NOD2: variants seen among roughly 807,000 people sequenced by gnomAD.
NOD2 encodes the protein nucleotide binding oligomerization domain containing 2.
A neutral mutation model predicts 90.9 loss-of-function variants in NOD2; 86 were observed. The ratio of observed to expected loss-of-function variants is 0.95; its 90% confidence interval spans 0.79 to 1.13. The LOEUF (loss-of-function observed/expected upper bound fraction) is 1.13. Among genes scored for constraint, NOD2 ranks in the 50% most tolerant of loss-of-function variants. The pLI, the probability that NOD2 is intolerant of heterozygous loss-of-function variation, is 0.00. For synonymous variants in NOD2, 581 were observed against 554.6 expected, an observed-to-expected ratio of 1.05 and a Z score of -0.67; for missense variants, 1,238 against 1,283.8, an observed-to-expected ratio of 0.96 and a Z score of 0.55.
At chr16:50,716,721 C>A in intron 5 of NOD2, 51 bp downstream of exon 5, 1 of 1,577,426 alleles carries the variant, frequency 6.3e-7, no homozygotes, top group Non-Finnish European at 8.7e-7. Context: ...CTGGTCTCAC[C>A]CCAGGTCGTG....
rs556728426 is a variant in NOD2, at chr16:50,711,268, G to A, written c.1276G>A (p.Glu426Lys). 2.4e-5 allele frequency: 38 copies of A among 1,613,798 alleles called. 1 individual carries two copies. The South Asian group carries it at 3.1e-4, about 13-fold the overall frequency. ...NLKGFSEQGI[E>K]LYLRKRHHEP... ...CAAGGGCTTCTCTGAACAGGGCATC[G>A]AGCTGTACCTGAGGAAGCGCCATCA... Residue 426 changes from glutamate (E) to lysine (K), a missense_variant, in exon 4 of 12, where the codon GAG (glutamate) becomes AAG (lysine). This residue lies in a region of NOD2 where 567 missense variants were observed against 577.3 expected (regional missense o/e 0.98). Transcript: ENST00000647318.
At chr16:50,701,278 G>A (rs1490089820) in intron 2 of NOD2, among the ~76,000 whole-genome samples, 1 of 152,256 alleles carries the variant, frequency 6.6e-6, no homozygotes, top group African/African-American at 2.4e-5. Context: ...GATGAAATAA[G>A]TGAGTTACTG....
At chr16:50,705,401 C>T (rs1964142818) in intron 2 of NOD2, among the ~76,000 whole-genome samples, 1 of 152,168 alleles carries the variant, frequency 6.6e-6, no homozygotes, top group Non-Finnish European at 1.5e-5. Flanking sequence ...TCTCTGGGCT[C>T]ATGATACTCT....
rs746653187 is a variant in NOD2, at chr16:50,711,794, A to G, written c.1802A>G (p.His601Arg). 8 of 1,613,882 alleles carry G rather than the reference A, an allele frequency of 5.0e-6. No homozygotes were observed. The highest frequency in any genetic ancestry group is 6.8e-6 in the Non-Finnish European group (8 of 1,179,996). Residue 601 changes from histidine (H) to arginine (R), a missense_variant, in exon 4 of 12, where the codon CAC (histidine) becomes CGC (arginine). Physicochemically the swap from His to Arg is conservative, Grantham distance 29. Transcript: ENST00000647318. Reference sequence around the variant, plus strand: ...GATGTGCCACCAGCTTTGCTCAGACACCTCTTCAATTGTGGCAGGCCAGGC... The same window carrying G: ...GATGTGCCACCAGCTTTGCTCAGACGCCTCTTCAATTGTGGCAGGCCAGGC... ...SADVPPALLRHLFNCGRPGNS... is the reference protein window; with the variant it reads ...SADVPPALLRRLFNCGRPGNS...
chr16:50,710,987 G>A lies in NOD2; in HGVS notation c.995G>A (p.Gly332Asp). 8.7e-6 allele frequency: 14 copies of A among 1,614,228 alleles called. No homozygotes were observed. Among genetic ancestry groups the A allele is most frequent in the Non-Finnish European group, 1.2e-5 (14 of 1,180,048 alleles). Residue 332 changes from glycine to aspartate, a missense_variant, in exon 4 of 12, where the codon GGT (glycine) becomes GAT (aspartate). Around this residue, in one of 3 missense-constraint regions of NOD2, gnomAD observed 567 missense variants for 577.3 expected, o/e 0.98. Coordinates refer to ENST00000647318, the MANE Select transcript of NOD2 (RefSeq NM_001370466.1). The stretch of plus-strand genomic sequence containing the variant: ...GAGCACTGCTGTTGGCCTGATGTTG[G>A]TCAAGAAGACATCTTCCAGTTACTC... ...LFEHCCWPDV[G>D]QEDIFQLLLD...
At position 50,722,782 on chromosome 16, in the gene NOD2, G is replaced by A; in HGVS notation, c.2717+77G>A. On this transcript the variant is annotated intron_variant, in intron 8 of 11. Coordinates refer to ENST00000647318, the MANE Select transcript of NOD2 (RefSeq NM_001370466.1). ...GGAGGAGCTGGGGCCAGTTCTGAAG[G>A]TCTTTGAACTTTATTTCTACCCCAC... is the stretch of plus-strand genomic sequence containing the variant. 10 of 1,316,904 alleles carry A rather than the reference G, an allele frequency of 7.6e-6. No individual in the cohort carries two copies. The South Asian group carries it at 1.1e-4, about 14-fold the overall frequency. 81.6% of individuals were successfully genotyped at this position (1,316,904 alleles called of 1,614,324 possible). A position where few individuals can be genotyped will look rare whatever the true frequency, so the allele number is the denominator to read the frequency against.
intron 4 of NOD2, chr16:50,713,705 G>A (rs374343141): frequency 2.0e-5 from 3 of 146,512 alleles, no homozygotes; most frequent in East Asian, 2.1e-4. Context: ...GGGGAGGGTA[G>A]ACTTGAAGGG....
chr16:50,714,278 G>A (rs1035256185), intron 4 of NOD2, among the ~76,000 whole-genome samples: 1 of 152,142 alleles, frequency 6.6e-6, no homozygotes, highest in African/African-American at 2.4e-5. Flanking sequence ...GAAAGGTGAG[G>A]GTGGCCTGGT....
At chr16:50,703,683 C>CAAA (rs1043742883) in intron 2 of NOD2, among the ~76,000 whole-genome samples, 3 of 56,428 alleles carry the variant, frequency 5.3e-5, no homozygotes, top group African/African-American at 1.1e-4. Context: ...GACTCTGTCT[C>CAAA]AAAAAAAAAA....
chr16:50,719,982 A>T lies in NOD2; in HGVS notation c.2607A>T (p.Arg869=). 1.9e-6 allele frequency: 3 copies of T among 1,614,186 alleles called. No homozygotes were observed. The highest frequency in any genetic ancestry group is 2.5e-6 in the Non-Finnish European group (3 of 1,180,020). ...AGAQVLAEGL[R]GNTSLQFLGF... Reference sequence around the variant, plus strand: ...CCCAAGTGCTGGCCGAGGGGCTCCGAGGCAACACCTCCTTGCAGTTCCTGG... The same window carrying T: ...CCCAAGTGCTGGCCGAGGGGCTCCGTGGCAACACCTCCTTGCAGTTCCTGG... The change falls in exon 7 of 12, where the codon CGA becomes CGT. Residue 869 remains arginine (R), a synonymous_variant. Coordinates refer to ENST00000647318, the MANE Select transcript of NOD2 (RefSeq NM_001370466.1).
At chr16:50,728,433 T>C in intron 10 of NOD2, 1 of 253,166 alleles carries the variant, frequency 3.9e-6, no homozygotes, top group South Asian at 4.6e-5. Context: ...GCTTTTTGTC[T>C]AACATCATTT....
In NOD2 at chr16:50,710,199, CTCCTCCT is replaced by C. The variant is rs1964395521; in HGVS notation, c.566-358_566-352del. ...CAGAGCCCCTTCCCGTCATCTAGAA[CTCCTCCT>C]GGTGTCAGTAATGATAACGGCAGTC... On this transcript the variant is annotated intron_variant, in intron 3 of 11. Transcript: ENST00000647318. Among the ~76,000 whole-genome samples, 5 of 152,372 alleles carry C rather than the reference CTCCTCCT, an allele frequency of 3.3e-5. No homozygotes were observed. In the South Asian group the frequency reaches 1.0e-3, roughly 32 times the overall value.
chr16:50,720,009 G>T lies in NOD2; in HGVS notation c.2633+1G>T, dbSNP rs751482121. ...GCAACACCTCCTTGCAGTTCCTGGG[G>T]TAGGTTGGATTCCAGGAAGAGGGAC... On this transcript the variant is annotated splice_donor_variant, in intron 7 of 11. Transcript: ENST00000647318. LOFTEE classifies it high-confidence loss of function. 1.2e-6 allele frequency: 2 copies of T among 1,613,750 alleles called. No individual in the cohort carries two copies. The highest frequency in any genetic ancestry group is 2.7e-5 in the African/African-American group (2 of 74,922).
At position 50,729,847 on chromosome 16, in the gene NOD2, G is replaced by A. The variant is rs1238071864; in HGVS notation, c.2915G>A (p.Gly972Glu). ...TCCAATAACTGCATCACCTACCTAG[G>A]GGCAGAAGCCCTCCTGCAGGCCCTT... ...KLSNNCITYL[G>E]AEALLQALER... Residue 972 changes from glycine to glutamate, a missense_variant, in exon 11 of 12, where the codon GGG becomes GAG. Physicochemically the swap from Gly to Glu is moderately conservative, Grantham distance 98. Around this residue, in one of 3 missense-constraint regions of NOD2, gnomAD observed 667 missense variants for 688.7 expected, o/e 0.97. Transcript: ENST00000647318. 6.2e-7 allele frequency: 1 copy of A among 1,613,046 alleles called. No homozygotes were observed. Among genetic ancestry groups the A allele is most frequent in the Non-Finnish European group, 8.5e-7 (1 of 1,179,224 alleles).
At chr16:50,716,694 A>C in intron 5 of NOD2, 24 bp downstream of exon 5, 2 of 1,610,566 alleles carry the variant, frequency 1.2e-6, no homozygotes, top group Non-Finnish European at 1.7e-6. Flanking sequence ...GGCTGTGGAC[A>C]ATGGGCTCCA....
At chr16:50,721,840 C>T (rs189020179) in intron 7 of NOD2, among the ~76,000 whole-genome samples, 2 of 152,300 alleles carry the variant, frequency 1.3e-5, no homozygotes, top group East Asian at 1.9e-4. Flanking sequence ...ATGTATTTAA[C>T]TGGTCACTTT....
At chr16:50,694,061 C>T (rs1567376751) in intron 1 of NOD2, among the ~76,000 whole-genome samples, 1 of 152,108 alleles carries the variant, frequency 6.6e-6, no homozygotes, top group African/African-American at 2.4e-5. Context: ...AAATCCATCC[C>T]TTCCCAGACA....
At chr16:50,713,369 A>G (rs550950210) in intron 4 of NOD2, 2 of 152,310 alleles carry the variant, frequency 1.3e-5, no homozygotes, top group African/African-American at 4.8e-5. Flanking sequence ...GCAAAGCAAC[A>G]AGATTTATTT....
intron 1 of NOD2, among the ~76,000 whole-genome samples, chr16:50,698,471 G>A (rs1249980397): frequency 5.3e-5 from 8 of 152,184 alleles, no homozygotes; most frequent in Admixed American, 2.0e-4. Flanking sequence ...TTTTCACTTC[G>A]CCTAGGACAG....
Sources: allele counts gnomAD v4.1 joint callset (sites outside exome capture counted in the v4.1 genomes callset), GRCh38; gene constraint gnomAD v4.1.1; regional missense constraint gnomAD v4.1.1; transcripts MANE v1.5; gene names NCBI Gene and HGNC (gene_info 2026-07-23, HGNC 2026-07-21).